The following KCNJ3 variants were observed in gnomAD, a reference collection of about 807,000 sequenced individuals.
KCNJ3 encodes G protein-activated inward rectifier potassium channel 1.
A neutral mutation model predicts 39.2 loss-of-function variants in KCNJ3; 4 were observed. That is an observed-to-expected ratio of 0.10 (90% CI 0.05 to 0.23). KCNJ3 has a LOEUF of 0.23. KCNJ3 is among the 10% of genes least tolerant of loss of function. The pLI is 1.00. For synonymous variants in KCNJ3, 230 were observed against 237.4 expected (o/e 0.97, Z 0.29); for missense variants, 276 against 634.9 (o/e 0.43, Z 6.08).
chr2:154,781,883 A>G (rs1197882268), intron 2 of KCNJ3, among the ~76,000 whole-genome samples: 1 of 152,158 alleles, frequency 6.6e-6, no homozygotes, highest in Non-Finnish European at 1.5e-5. Context: ...TAAGGAATAT[A>G]ATTACATTTA....
At chr2:154,777,675 G>T (rs1465035084) in intron 2 of KCNJ3, among the ~76,000 whole-genome samples, 3 of 152,050 alleles carry the variant, frequency 2.0e-5, no homozygotes, top group Non-Finnish European at 4.4e-5. Flanking sequence ...AAATACATAG[G>T]ATTTTGGGAA....
chr2:154,836,338 A>C (rs1687462543), intron 2 of KCNJ3, among the ~76,000 whole-genome samples: 1 of 152,074 alleles, frequency 6.6e-6, no homozygotes, highest in African/African-American at 2.4e-5. Flanking sequence ...CTTTTCTGAA[A>C]ATGTCAATTT....
At chr2:154,840,151 A>T (rs1474167495) in intron 2 of KCNJ3, among the ~76,000 whole-genome samples, 2 of 152,304 alleles carry the variant, frequency 1.3e-5, no homozygotes, top group East Asian at 3.9e-4. Context: ...AGCTTTCTAC[A>T]TATGGCTAGC....
rs1687815584 is a variant in KCNJ3 at position 154,855,152 on chromosome 2, G to C, written c.1345G>C (p.Glu449Gln). ...RISSVPGNSE[E>Q]KLVSKTTKML... ...AAGTTCAGTTCCGGGCAACTCAGAA[G>C]AAAAACTGGTATCTAAAACCACCAA... is the stretch of plus-strand genomic sequence containing the variant. Residue 449 changes from glutamate (E) to glutamine (Q), a missense_variant, in exon 3 of 3, where the codon GAA becomes CAA. Physicochemically the swap from Glu to Gln is conservative, Grantham distance 29 (BLOSUM62 2). This residue lies in a region of KCNJ3 where 126 missense variants were observed against 179.8 expected (regional missense o/e 0.70). Coordinates refer to ENST00000295101, the MANE Select transcript of KCNJ3 (RefSeq NM_002239.4). 1 of 1,613,918 alleles carries C rather than the reference G, an allele frequency of 6.2e-7. No homozygotes were observed. The highest frequency in any genetic ancestry group is 1.3e-5 in the African/African-American group (1 of 75,008).
intron 2 of KCNJ3, among the ~76,000 whole-genome samples, chr2:154,829,787 T>C (rs569548753): frequency 7.1e-6 from 1 of 140,420 alleles, no homozygotes; most frequent in Non-Finnish European, 1.6e-5. Flanking sequence ...TAAGAAATAC[T>C]AATAATAACA....
At chr2:154,845,768 C>A (rs975220390) in intron 2 of KCNJ3, among the ~76,000 whole-genome samples, 1 of 151,866 alleles carries the variant, frequency 6.6e-6, no homozygotes, top group Non-Finnish European at 1.5e-5. Flanking sequence ...GTCAGGAGTT[C>A]GAGACCAGCC....
chr2:154,851,709 A>G (rs1337765739), intron 2 of KCNJ3, among the ~76,000 whole-genome samples: 1 of 152,198 alleles, frequency 6.6e-6, no homozygotes, highest in Non-Finnish European at 1.5e-5. Context: ...CTTCCTTTTC[A>G]GTTGAAATCA....
chr2:154,753,573 G>A (rs967572672), intron 2 of KCNJ3, among the ~76,000 whole-genome samples: 2 of 151,978 alleles, frequency 1.3e-5, no homozygotes, highest in East Asian at 3.9e-4. Flanking sequence ...TTCGGATCCT[G>A]AATATTTTGG....
At chr2:154,756,798 T>C (rs1685944852) in intron 2 of KCNJ3, among the ~76,000 whole-genome samples, 1 of 152,048 alleles carries the variant, frequency 6.6e-6, no homozygotes, top group East Asian at 1.9e-4. Flanking sequence ...TTGTGTCATA[T>C]AATAGAGCAA....
chr2:154,710,139 T>G (rs1267195634), intron 2 of KCNJ3, among the ~76,000 whole-genome samples: 1 of 152,128 alleles, frequency 6.6e-6, no homozygotes. Flanking sequence ...TCTTTAAAGA[T>G]TTAAGGCTCA....
chr2:154,776,768 A>G (rs912541252), intron 2 of KCNJ3, among the ~76,000 whole-genome samples: 1 of 152,186 alleles, frequency 6.6e-6, no homozygotes, highest in Non-Finnish European at 1.5e-5. Flanking sequence ...TGATTATGTC[A>G]GTACTAGACA....
intron 2 of KCNJ3, among the ~76,000 whole-genome samples, chr2:154,780,110 A>C (rs145169538): frequency 5.3e-4 from 81 of 152,322 alleles, no homozygotes; most frequent in African/African-American, 1.9e-3. Flanking sequence ...TAATTTACTC[A>C]TGAAGAAATA....
chr2:154,840,130 G>T (rs1687549970), intron 2 of KCNJ3, among the ~76,000 whole-genome samples: 1 of 152,142 alleles, frequency 6.6e-6, no homozygotes, highest in Non-Finnish European at 1.5e-5. Context: ...GTAAGGAAGG[G>T]ATTCAGTTTC....
At chr2:154,728,594 T>C (rs932384798) in intron 2 of KCNJ3, among the ~76,000 whole-genome samples, 10 of 152,302 alleles carry the variant, frequency 6.6e-5, no homozygotes, top group Middle Eastern at 3.4e-3. Context: ...ATATCCACAA[T>C]ATCCACAGTC....
At position 154,858,000 on chromosome 2, in the gene KCNJ3, G is replaced by A. The variant is rs756906008; in HGVS notation, c.*2687G>A. The A allele has an allele frequency of 2.0e-5, 3 of 150,360 alleles. No individual in the cohort carries two copies. The Admixed American group carries it at 2.0e-4, about 10-fold the overall frequency. The allele number at this position is 150,360 out of a possible 1,614,324, so 9.3% of individuals were successfully genotyped here. A position where few individuals can be genotyped will look rare whatever the true frequency, so the allele number is the denominator to read the frequency against. ...ATTGATTATTTTAGAAAATGTGACT[G>A]GCTTAGGACGGGGATAATATGTGAA... is the stretch of plus-strand genomic sequence containing the variant. On this transcript the variant is annotated 3_prime_UTR_variant, in exon 3 of 3. Coordinates refer to ENST00000295101, the MANE Select transcript of KCNJ3 (RefSeq NM_002239.4).
intron 2 of KCNJ3, among the ~76,000 whole-genome samples, chr2:154,811,068 A>C (rs923524640): frequency 5.9e-5 from 9 of 152,144 alleles, no homozygotes; most frequent in African/African-American, 2.2e-4. Flanking sequence ...AACTTTCTTC[A>C]CCTTCATATA....
chr2:154,736,282 T>C (rs547473375), intron 2 of KCNJ3, among the ~76,000 whole-genome samples: 11 of 148,128 alleles, frequency 7.4e-5, no homozygotes, highest in African/African-American at 2.7e-4. Context: ...ACTTTAATAC[T>C]AAGAGACACT....
At chr2:154,704,478 C>T (rs184573126) in intron 1 of KCNJ3, among the ~76,000 whole-genome samples, 39 of 152,186 alleles carry the variant, frequency 2.6e-4, no homozygotes, top group Admixed American at 1.4e-3. Flanking sequence ...AATTACATTG[C>T]GTTCTGTAAG....
chr2:154,732,946 T>C (rs538326842), intron 2 of KCNJ3, among the ~76,000 whole-genome samples: 8 of 152,292 alleles, frequency 5.3e-5, no homozygotes, highest in African/African-American at 1.9e-4. Context: ...AATGCATTTC[T>C]AGGAAACAGA....
Sources: allele counts gnomAD v4.1 joint callset (sites outside exome capture counted in the v4.1 genomes callset), GRCh38; gene constraint gnomAD v4.1.1; regional missense constraint gnomAD v4.1.1; transcripts MANE v1.5; gene names NCBI Gene and HGNC (gene_info 2026-07-23, HGNC 2026-07-21).